Variants in FAM185A observed in about 807,000 individuals in gnomAD.
The protein encoded by FAM185A is family with sequence similarity 185 member A.
Under a neutral mutation model 45.7 loss-of-function variants are expected in FAM185A, and 21 were observed. The ratio of observed to expected loss-of-function variants is 0.46; its 90% CI spans 0.33 to 0.66. FAM185A has a LOEUF of 0.66. Among genes scored for constraint, FAM185A ranks in the 30% least tolerant of loss-of-function variants. FAM185A has a pLI of 0.03. For synonymous variants in FAM185A, 117 were observed against 194.0 expected (o/e 0.60, Z 3.30); for missense variants, 305 against 485.4 (o/e 0.63, Z 3.49).
chr7:102,752,689 G>A (rs1793445892), intron 2 of FAM185A, among the ~76,000 whole-genome samples: 1 of 150,764 alleles, frequency 6.6e-6, no homozygotes, highest in Non-Finnish European at 1.5e-5. Flanking sequence ...GGCTCATGAA[G>A]TGCTGGGATT....
At chr7:102,761,820 C>T (rs1294120449) in intron 4 of FAM185A, among the ~76,000 whole-genome samples, 4 of 151,958 alleles carry the variant, frequency 2.6e-5, no homozygotes, top group Non-Finnish European at 5.9e-5. Context: ...TGCGCTATCA[C>T]GCTAGGCTAA....
intron 4 of FAM185A, among the ~76,000 whole-genome samples, chr7:102,771,226 G>A (rs974943112): frequency 7.9e-5 from 12 of 152,010 alleles, no homozygotes; most frequent in South Asian, 2.1e-4. Context: ...ATGGAGGGAC[G>A]GGGCAAGGGT....
In FAM185A at chr7:102,809,099, A is replaced by G. The variant is rs1797290521; in HGVS notation, c.*697A>G. ...GAAAGGAGATTATACAAAGGCATCCATCATGTGGGGACAATTAGCTTAGAA... is the reference window on the plus strand; with the variant it reads ...GAAAGGAGATTATACAAAGGCATCCGTCATGTGGGGACAATTAGCTTAGAA... On this transcript the variant is annotated 3_prime_UTR_variant, in exon 8 of 8. Coordinates refer to ENST00000413034, the MANE Select transcript of FAM185A (RefSeq NM_001145268.2). 1 of 152,242 alleles carries G rather than the reference A, an allele frequency of 6.6e-6. No homozygotes were observed. The highest frequency in any genetic ancestry group is 2.4e-5 in the African/African-American group (1 of 41,454). 9.4% of individuals were successfully genotyped at this position (152,242 alleles called of 1,614,324 possible).
At chr7:102,826,753 A>ATATATATATG in the FAM185A span, among the ~76,000 whole-genome samples, 409 of 112,224 alleles carry the variant, frequency 3.6e-3, 7 homozygotes, top group South Asian at 5.2e-3. Flanking sequence ...ATATATATAT[A>ATATATATATG]TATATATATA....
chr7:102,751,832 T>A (rs1451974190), intron 2 of FAM185A, 31 bp downstream of exon 2: 1 of 1,404,744 alleles, frequency 7.1e-7, no homozygotes, highest in Admixed American at 2.6e-5. Context: ...TATTTCACTA[T>A]TATTTTTTTA....
At chr7:102,776,147 A>G (rs1795050570) in intron 5 of FAM185A, among the ~76,000 whole-genome samples, 2 of 95,424 alleles carry the variant, frequency 2.1e-5, no homozygotes, top group South Asian at 6.5e-4. Flanking sequence ...TGTAAACAGT[A>G]TAATTTTTGG....
chr7:102,831,274 A>G, the FAM185A span, among the ~76,000 whole-genome samples: 1 of 152,106 alleles, frequency 6.6e-6, no homozygotes, highest in Non-Finnish European at 1.5e-5. Context: ...TTCAAGAACA[A>G]TTTTGGCCCT....
At chr7:102,834,106 G>GA in the FAM185A span, among the ~76,000 whole-genome samples, 276 of 106,532 alleles carry the variant, frequency 2.6e-3, 7 homozygotes, top group East Asian at 0.022. Flanking sequence ...AAGAAAGAAA[G>GA]AAAGAAAGAA....
the FAM185A span, chr7:102,822,577 C>T: frequency 2.5e-6 from 1 of 401,880 alleles, no homozygotes; most frequent in South Asian, 1.9e-5. Flanking sequence ...ATTACTGTCA[C>T]AGTGGGAGTT....
At chr7:102,797,798 T>TTAA (rs899186270) in intron 7 of FAM185A, among the ~76,000 whole-genome samples, 5 of 152,198 alleles carry the variant, frequency 3.3e-5, no homozygotes, top group African/African-American at 1.2e-4. Flanking sequence ...TCTGCTATTA[T>TTAA]TAATAATAAG....
chr7:102,838,883 G>A, the FAM185A span, among the ~76,000 whole-genome samples: 48 of 152,210 alleles, frequency 3.2e-4, no homozygotes, highest in Non-Finnish European at 6.9e-4. Flanking sequence ...ATATGGCCTC[G>A]TGGGATGGCA....
chr7:102,751,791 A>G lies in FAM185A; in HGVS notation c.551A>G (p.Gln184Arg), dbSNP rs1203731852. The G allele has an allele frequency of 1.3e-6, 2 of 1,547,236 alleles. No homozygotes were observed. The highest frequency in any genetic ancestry group is 2.8e-5 in the African/African-American group (2 of 72,684). ...ACAGAGCATGGGACTAGTATCTTGC[A>G]GTCTGTTAAGGTATAGCATTTTTCT... is the stretch of plus-strand genomic sequence containing the variant. ...IETEHGTSIL[Q>R]SVKGQKLHVQ... Residue 184 changes from glutamine (Q) to arginine (R), a missense_variant, in exon 2 of 8, where the codon CAG (glutamine) becomes CGG (arginine). Transcript: ENST00000413034.
downstream of FAM185A, among the ~76,000 whole-genome samples, chr7:102,811,381 C>T (rs1324159502): frequency 2.0e-5 from 3 of 152,166 alleles, no homozygotes; most frequent in Admixed American, 6.5e-5. Flanking sequence ...TAGTTTGCAT[C>T]GAAAACTTAA....
At position 102,758,053 on chromosome 7, in the gene FAM185A, A is replaced by G; in HGVS notation, c.654+107A>G. On this transcript the variant is annotated intron_variant, in intron 3 of 7. Transcript: ENST00000413034. Reference sequence around the variant, plus strand: ...GTTCGTAGCATAACATTCCCTTTTTAATGCATTTTAGTTCATAAGTAAATT... The same window carrying G: ...GTTCGTAGCATAACATTCCCTTTTTGATGCATTTTAGTTCATAAGTAAATT... The G allele has an allele frequency of 4.7e-6, 6 of 1,286,238 alleles. No individual in the cohort carries two copies. In the South Asian group the frequency reaches 7.1e-5, roughly 15 times the overall value. 79.7% of individuals were successfully genotyped at this position (1,286,238 alleles called of 1,614,324 possible).
chr7:102,803,739 A>G (rs1297345941), intron 7 of FAM185A, among the ~76,000 whole-genome samples: 1 of 152,164 alleles, frequency 6.6e-6, no homozygotes, highest in Non-Finnish European at 1.5e-5. Flanking sequence ...AGGAAGTCAT[A>G]CTGTCACTGT....
chr7:102,847,172 A>T, the FAM185A span, among the ~76,000 whole-genome samples: 1 of 152,064 alleles, frequency 6.6e-6, no homozygotes, highest in Non-Finnish European at 1.5e-5. Flanking sequence ...GCAAAGCCTA[A>T]AACAGAAACT....
chr7:102,751,129 G>C (rs1283450471), intron 1 of FAM185A, among the ~76,000 whole-genome samples: 1 of 152,072 alleles, frequency 6.6e-6, no homozygotes, highest in African/African-American at 2.4e-5. Flanking sequence ...TGTCCAGGCT[G>C]GTCTTGAACT....
At chr7:102,759,269 T>A (rs1434092512) in intron 3 of FAM185A, among the ~76,000 whole-genome samples, 4 of 152,094 alleles carry the variant, frequency 2.6e-5, no homozygotes, top group Non-Finnish European at 4.4e-5. Context: ...ATTTAATATC[T>A]TAATCATTTG....
the FAM185A span, among the ~76,000 whole-genome samples, chr7:102,842,145 A>T: frequency 6.6e-6 from 1 of 152,232 alleles, no homozygotes; most frequent in African/African-American, 2.4e-5. Context: ...AAATGTCCGG[A>T]CGTTCCACCT....
Sources: gnomAD v4.1 joint callset for allele counts (sites outside exome capture counted in the v4.1 genomes callset) on GRCh38, gnomAD v4.1.1 for gene constraint, MANE v1.5 for transcripts, NCBI Gene and HGNC (gene_info 2026-07-23, HGNC 2026-07-21) for gene names.